Variants in TENM4 observed in about 807,000 individuals in gnomAD.
The protein encoded by TENM4 is teneurin transmembrane protein 4.
TENM4 carries 82 observed loss-of-function variants against 243.3 expected under a neutral mutation model. That is an observed-to-expected ratio of 0.34 (90% CI 0.28 to 0.40). TENM4 has a LOEUF of 0.40. Among genes scored for constraint, TENM4 ranks in the 10% least tolerant of loss-of-function variants. TENM4 has a pLI of 1.00. For synonymous variants in TENM4, 1,412 were observed against 1,456.3 expected, an observed-to-expected ratio of 0.97 and a Z score of 0.69; for missense variants, 3,138 against 3,673.3, an observed-to-expected ratio of 0.85 and a Z score of 3.77.
At chr11:78,841,826 G>C (rs763475521) in intron 12 of TENM4, among the ~76,000 whole-genome samples, 1 of 151,996 alleles carries the variant, frequency 6.6e-6, no homozygotes, top group African/African-American at 2.4e-5. Flanking sequence ...TCCTGAACTC[G>C]TGGTGACCCT....
chr11:79,135,453 A>G (rs562176576), intron 4 of TENM4, among the ~76,000 whole-genome samples: 15 of 152,242 alleles, frequency 9.9e-5, no homozygotes, highest in African/African-American at 3.6e-4. Context: ...GATTCCTTAA[A>G]GAACTAAAAG....
rs1170871225 is a variant in TENM4, at chr11:78,814,372, T to A, written c.1705A>T (p.Asn569Tyr). 1 of 1,549,428 alleles carries A rather than the reference T, an allele frequency of 6.5e-7. No individual in the cohort carries two copies. Among genetic ancestry groups the A allele is most frequent in the Non-Finnish European group, 8.7e-7 (1 of 1,146,226 alleles). ...ATGCAGTCACCATTGCCATAGCAGT[T>A]GCTGGGGCAGTTATCCACCGACTCT... ...AIESVDNCPSNCYGNGDCISG... is the reference protein window; with the variant it reads ...AIESVDNCPSYCYGNGDCISG... Residue 569 changes from asparagine (N) to tyrosine (Y), a missense_variant, in exon 13 of 34, where the codon AAC (asparagine) becomes TAC (tyrosine). By Grantham distance (143) the Asn-to-Tyr change is moderately radical. Coordinates refer to ENST00000278550, the MANE Select transcript of TENM4 (RefSeq NM_001098816.3).
chr11:79,155,371 G>C (rs1028998367), intron 3 of TENM4, among the ~76,000 whole-genome samples: 7 of 147,174 alleles, frequency 4.8e-5, no homozygotes, highest in Non-Finnish European at 1.0e-4. Context: ...TTTTTTTTTG[G>C]CTTGAAATAA....
At chr11:79,041,238 A>G (rs1389851956) in intron 6 of TENM4, among the ~76,000 whole-genome samples, 2 of 151,936 alleles carry the variant, frequency 1.3e-5, no homozygotes, top group African/African-American at 2.4e-5. Flanking sequence ...TAATTTTTGT[A>G]TTTTTAGTAG....
intron 4 of TENM4, among the ~76,000 whole-genome samples, chr11:79,098,170 C>G (rs1435775347): frequency 6.6e-6 from 1 of 152,148 alleles, no homozygotes; most frequent in African/African-American, 2.4e-5. Context: ...TCCCAGGCCC[C>G]TGTATCTGCT....
Position 78,922,801 on chromosome 11 carries a change from G to A in TENM4, c.494-19278C>T, listed in dbSNP as rs927646992. The stretch of plus-strand genomic sequence containing the variant: ...AAATACAAGGAGAGGCATTCGGGAG[G>A]TTAGGTGCACCCGGAGGTAGAAGAC... On this transcript the variant is annotated intron_variant, in intron 6 of 33. Coordinates refer to ENST00000278550, the MANE Select transcript of TENM4 (RefSeq NM_001098816.3). Among the ~76,000 whole-genome samples, 13 of 152,254 alleles carry A rather than the reference G, an allele frequency of 8.5e-5. No individual in the cohort carries two copies. The East Asian group carries it at 2.1e-3, about 25-fold the overall frequency.
intron 6 of TENM4, among the ~76,000 whole-genome samples, chr11:79,041,494 C>CAAAAAAAA (rs34771137): frequency 1.4e-5 from 2 of 140,234 alleles, no homozygotes; most frequent in East Asian, 4.2e-4. Context: ...TGGAGGCACT[C>CAAAAAAAA]AAAAAAAAAA....
In TENM4 at chr11:79,173,791, C is replaced by A. The variant is rs530507184; in HGVS notation, c.-162-24985G>T. On this transcript the variant is annotated intron_variant, in intron 3 of 33. Coordinates refer to ENST00000278550, the MANE Select transcript of TENM4 (RefSeq NM_001098816.3). ...GAAAGCTGTAATAGTGCAGTTGCCG[C>A]CTGAGCAAGGATCATGTGGGACTCA... 2.0e-4 allele frequency among the ~76,000 whole-genome samples: 30 copies of A among 152,234 alleles called. 1 individual carries two copies. Among genetic ancestry groups the A allele is most frequent in the African/African-American group, 6.7e-4 (28 of 41,538 alleles).
chr11:79,171,919 G>C (rs192371388), intron 3 of TENM4, among the ~76,000 whole-genome samples: 1 of 152,294 alleles, frequency 6.6e-6, no homozygotes, highest in Admixed American at 6.5e-5. Context: ...TCCAAAGCAG[G>C]TCACTTTTGA....
chr11:78,805,277 T>TGGCCCCCCCCCCCCC lies in TENM4; in HGVS notation c.2179+14_2179+15insGGGGGGGGGGGGGCC. The TGGCCCCCCCCCCCCC allele has an allele frequency of 7.1e-7, 1 of 1,402,550 alleles. No individual in the cohort carries two copies. Among genetic ancestry groups the TGGCCCCCCCCCCCCC allele is most frequent in the Non-Finnish European group, 9.7e-7 (1 of 1,033,116 alleles). 86.9% of individuals were successfully genotyped at this position (1,402,550 alleles called of 1,614,324 possible). A position where few individuals can be genotyped will look rare whatever the true frequency, so the allele number is the denominator to read the frequency against. ...CCCCTCCCTCTACCCATGCTTCTTC[T>TGGCCCCCCCCCCCCC]CCCCCTGCATTTACCGATAGAACAG... On this transcript the variant is annotated intron_variant, in intron 15 of 33. Transcript: ENST00000278550.
chr11:79,417,910 T>C (rs1858852928), intron 1 of TENM4, among the ~76,000 whole-genome samples: 1 of 152,178 alleles, frequency 6.6e-6, no homozygotes. Flanking sequence ...AGTTCTCTCC[T>C]CTTGAAAGCC....
intron 6 of TENM4, among the ~76,000 whole-genome samples, chr11:78,973,136 TG>T (rs151311186): frequency 3.9e-5 from 6 of 152,398 alleles, no homozygotes; most frequent in Admixed American, 1.3e-4. Flanking sequence ...TCCATAATGC[TG>T]CTGCAAACCT....
At chr11:79,191,656 G>C (rs911195272) in intron 3 of TENM4, 13 of 195,096 alleles carry the variant, frequency 6.7e-5, no homozygotes, top group Non-Finnish European at 1.0e-4. Context: ...GTCTCTGCCC[G>C]GCCGCCATCC....
chr11:79,231,524 T>C (rs1864373066), intron 2 of TENM4, among the ~76,000 whole-genome samples: 1 of 152,148 alleles, frequency 6.6e-6, no homozygotes, highest in Admixed American at 6.5e-5. Context: ...TAATCAGACA[T>C]GATCCTTAGC....
At chr11:79,002,857 T>C (rs901942387) in intron 6 of TENM4, among the ~76,000 whole-genome samples, 3 of 152,114 alleles carry the variant, frequency 2.0e-5, no homozygotes, top group African/African-American at 7.2e-5. Context: ...GCAAAGATCA[T>C]CAGGATTCAG....
intron 2 of TENM4, among the ~76,000 whole-genome samples, chr11:79,288,857 G>A (rs936239818): frequency 6.6e-6 from 1 of 151,880 alleles, no homozygotes; most frequent in African/African-American, 2.4e-5. Flanking sequence ...AAGAATGGGT[G>A]AGATGACAAG....
At chr11:78,979,944 A>C (rs1418182884) in intron 6 of TENM4, among the ~76,000 whole-genome samples, 1 of 152,204 alleles carries the variant, frequency 6.6e-6, no homozygotes, top group East Asian at 1.9e-4. Flanking sequence ...TAGAGTTCCA[A>C]TAATAAAACT....
chr11:78,745,193 G>A (rs1435791945), intron 19 of TENM4, among the ~76,000 whole-genome samples: 1 of 151,338 alleles, frequency 6.6e-6, no homozygotes, highest in South Asian at 2.1e-4. Context: ...AAACCAGTGT[G>A]GGTCCACTGT....
chr11:79,071,361 G>A lies in TENM4; in HGVS notation c.-65-1352C>T, dbSNP rs140930759. 8.9e-3 allele frequency among the ~76,000 whole-genome samples: 1,347 copies of A among 152,202 alleles called. 14 individuals are homozygous for A. The highest frequency in any genetic ancestry group is 0.03 in the African/African-American group (1,258 of 41,504). ...TTAGAGAGACAACAGAGCAAGAGCT[G>A]TGATAAATGCTGCCAACATCAGATC... On this transcript the variant is annotated intron_variant, in intron 4 of 33. Transcript: ENST00000278550.
Sources: gnomAD v4.1 joint callset for allele counts (sites outside exome capture counted in the v4.1 genomes callset) on GRCh38, gnomAD v4.1.1 for gene constraint, MANE v1.5 for transcripts, NCBI Gene and HGNC (gene_info 2026-07-23, HGNC 2026-07-21) for gene names.